Variants in PROX2 observed in about 807,000 individuals in gnomAD.
PROX2 encodes prospero homeobox protein 2.
In PROX2, 46 loss-of-function variants were observed where a neutral mutation model predicts 48.9. The observed-to-expected ratio is 0.94, with a 90% CI of 0.74 to 1.20. The LOEUF (loss-of-function observed/expected upper bound fraction) is 1.20, where lower values mean the gene tolerates loss of function less well. Among genes scored for constraint, PROX2 ranks in the 50% most tolerant of loss-of-function variants. PROX2 has a pLI of 0.00. For synonymous variants in PROX2, 260 were observed against 276.6 expected (o/e 0.94, Z 0.60); for missense variants, 663 against 719.4 (o/e 0.92, Z 0.90).
chr14:74,875,105 A>C (rs1305671524), intron 1 of PROX2, among the ~76,000 whole-genome samples: 1 of 152,208 alleles, frequency 6.6e-6, no homozygotes, highest in Non-Finnish European at 1.5e-5. Context: ...GAGACGTGCC[A>C]TTGCACTCCA....
chr14:74,858,259 C>T lies in PROX2; in HGVS notation c.1413+148G>A, dbSNP rs528474201. The T allele has an allele frequency of 1.6e-5, 9 of 547,524 alleles. No homozygotes were observed. The African/African-American group carries it at 1.7e-4, about 10-fold the overall frequency. 33.9% of individuals were successfully genotyped at this position (547,524 alleles called of 1,614,324 possible). On this transcript the variant is annotated intron_variant, in intron 4 of 5. Coordinates refer to ENST00000556489, the MANE Select transcript of PROX2 (RefSeq NM_001243007.2). ...ATTCACGGTTATTTGGGTAGAGTCT[C>T]AGCCCAGAACTGGACATTGCTTCCA...
Position 74,855,168 on chromosome 14 carries a change from G to A in PROX2, c.1743C>T (p.Ile581=). 1 of 1,587,700 alleles carries A rather than the reference G, an allele frequency of 6.3e-7. No individual in the cohort carries two copies. Among genetic ancestry groups the A allele is most frequent in the South Asian group, 1.2e-5 (1 of 86,398 alleles). ...AGCTGGAAGATTTGAATATCTCTGG[G>A]ATGTCACTGTCCAGTTTCGAAATAA... is the stretch of plus-strand genomic sequence containing the variant. ...YKIISKLDSD[I]PEIFKSSSYP... Residue 581 remains isoleucine, a synonymous_variant, in exon 6 of 6, where the codon ATC becomes ATT. Coordinates refer to ENST00000556489, the MANE Select transcript of PROX2 (RefSeq NM_001243007.2).
intron 4 of PROX2, chr14:74,857,272 G>A (rs1193711680): frequency 6.3e-6 from 2 of 316,998 alleles, no homozygotes; most frequent in Non-Finnish European, 1.2e-5. Context: ...GCTTTTTGTG[G>A]TGTTTGAGTG....
At chr14:74,856,496 A>G (rs908896669) in intron 5 of PROX2, 1 of 292,966 alleles carries the variant, frequency 3.4e-6, no homozygotes, top group Non-Finnish European at 6.4e-6. Context: ...GCACTAAGGC[A>G]AAAAGGTCAG....
chr14:74,858,341 C>A, intron 4 of PROX2, 66 bp downstream of exon 4: 1 of 990,692 alleles, frequency 1.0e-6, no homozygotes, highest in Non-Finnish European at 1.6e-6. Flanking sequence ...ACTTGCCTCA[C>A]ACCAGGCAAA....
At position 74,854,348 on chromosome 14, in the gene PROX2, T is replaced by G. The variant is rs773641606; in HGVS notation, c.*784A>C. 45 of 387,934 alleles carry G rather than the reference T, an allele frequency of 1.2e-4. No homozygotes were observed. The highest frequency in any genetic ancestry group is 2.2e-4 in the Non-Finnish European group (42 of 191,226). The allele number at this position is 387,934 out of a possible 1,614,324, so 24.0% of individuals were successfully genotyped here. A position where few individuals can be genotyped will look rare whatever the true frequency, so the allele number is the denominator to read the frequency against. ...GCAGAAATCTTGGGCGGTGAAGTGC[T>G]CCTAAGTGCTGGGCAGGAGTTGTCA... On this transcript the variant is annotated 3_prime_UTR_variant, in exon 6 of 6. Coordinates refer to ENST00000556489, the MANE Select transcript of PROX2 (RefSeq NM_001243007.2).
chr14:74,863,690 T>G lies in PROX2; in HGVS notation c.145A>C (p.Ser49Arg), dbSNP rs772746725. 6.5e-7 allele frequency: 1 copy of G among 1,543,044 alleles called. No individual in the cohort carries two copies. Among genetic ancestry groups the G allele is most frequent in the Non-Finnish European group, 8.7e-7 (1 of 1,146,646 alleles). The change falls in exon 3 of 6, where the codon AGC (serine) becomes CGC (arginine). Residue 49 changes from serine (S) to arginine (R), a missense_variant. Physicochemically the swap from Ser to Arg is moderately radical, Grantham distance 110. Coordinates refer to ENST00000556489, the MANE Select transcript of PROX2 (RefSeq NM_001243007.2). ...PFPWSQVPSS[S>R]PTDPEWFGDE... is the part of the protein sequence containing the mutation. ...CCAAACCATTCGGGGTCTGTAGGGC[T>G]GGAGCTGGGGACCTGACTCCAGGGA...
chr14:74,862,553 C>A lies in PROX2; in HGVS notation c.1282G>T (p.Ala428Ser), dbSNP rs553401078. ...EQRGLHAVME[A>S]LPFSLVHIQE... ...ATGTGGACCAAAGAGAAAGGCAGTG[C>A]CTCCATGACAGCATGCAGGCCTCTC... Residue 428 changes from alanine (A) to serine (S), a missense_variant, in exon 3 of 6, where the codon GCA (alanine) becomes TCA (serine). Transcript: ENST00000556489. 153 of 1,613,292 alleles carry A rather than the reference C, an allele frequency of 9.5e-5. No homozygotes were observed. The East Asian group carries it at 2.9e-3, about 31-fold the overall frequency.
rs992562736 is a variant in PROX2 at position 74,876,077 on chromosome 14, G to A, written c.-492C>T. Among the ~76,000 whole-genome samples the A allele has an allele frequency of 6.6e-6, 1 of 152,230 alleles. No individual in the cohort carries two copies. The highest frequency in any genetic ancestry group is 1.5e-5 in the Non-Finnish European group (1 of 68,038). ...CCGGGTGCCCGTGGCTGGGTGAGGG[G>A]AGGCTCTGGCCCCTTCTTAGCACAA... On this transcript the variant is annotated 5_prime_UTR_variant, in exon 1 of 6. Transcript: ENST00000556489.
rs2140165085 is a variant in PROX2 at position 74,859,793 on chromosome 14, C to T, written c.1306-1279G>A. Among the ~76,000 whole-genome samples the T allele has an allele frequency of 2.0e-5, 3 of 152,348 alleles. No individual in the cohort carries two copies. In the South Asian group the frequency reaches 6.2e-4, roughly 32 times the overall value. ...TATAGGTGGCCCAGGCACCTAGTTG[C>T]TGCACAGGAGATCCCTCCCTGCTGC... On this transcript the variant is annotated intron_variant, in intron 3 of 5. Coordinates refer to ENST00000556489, the MANE Select transcript of PROX2 (RefSeq NM_001243007.2).
intron 5 of PROX2, 149 bp downstream of exon 5, chr14:74,856,652 G>T: frequency 1.6e-6 from 1 of 639,560 alleles, no homozygotes; most frequent in Non-Finnish European, 2.7e-6. Context: ...TGTTGAGGCT[G>T]TAATCTTTGT....
intron 4 of PROX2, 186 bp from the exon 5 acceptor site, chr14:74,857,181 T>C (rs1371477785): frequency 3.8e-6 from 2 of 529,674 alleles, no homozygotes; most frequent in Admixed American, 6.4e-5. Flanking sequence ...CTCAGAAAAA[T>C]CTAAATTAGC....
chr14:74,874,552 A>G (rs1356627729), intron 1 of PROX2, among the ~76,000 whole-genome samples: 1 of 152,086 alleles, frequency 6.6e-6, no homozygotes, highest in Non-Finnish European at 1.5e-5. Context: ...CGCCCGGCCT[A>G]TACAAATTTC....
rs1283400710 is a variant in PROX2 at position 74,863,722 on chromosome 14, G to A, written c.113C>T (p.Ser38Phe). 6.5e-7 allele frequency: 1 copy of A among 1,533,318 alleles called. No individual in the cohort carries two copies. Among genetic ancestry groups the A allele is most frequent in the South Asian group, 1.3e-5 (1 of 76,330 alleles). 95.0% of individuals were successfully genotyped at this position (1,533,318 alleles called of 1,614,324 possible). A position where few individuals can be genotyped will look rare whatever the true frequency, so the allele number is the denominator to read the frequency against. ...SSSPPELDRD[S>F]PFPWSQVPSS... ...GGGGACCTGACTCCAGGGAAACGGGGAGTCTCTATCCAGCTCTGGAGGGGA... is the reference window on the plus strand; with the variant it reads ...GGGGACCTGACTCCAGGGAAACGGGAAGTCTCTATCCAGCTCTGGAGGGGA... Residue 38 changes from serine (S) to phenylalanine (F), a missense_variant, in exon 3 of 6, where the codon TCC becomes TTC. Physicochemically the swap from Ser to Phe is radical, Grantham distance 155. Transcript: ENST00000556489.
chr14:74,857,119 C>G (rs147435160), intron 4 of PROX2, 124 bp from the exon 5 acceptor site: 3 of 720,070 alleles, frequency 4.2e-6, no homozygotes, highest in African/African-American at 3.5e-5. Context: ...CAGGGGCTTC[C>G]TTTAAAAAAA....
intron 2 of PROX2, among the ~76,000 whole-genome samples, chr14:74,864,865 C>T (rs2091831133): frequency 1.5e-5 from 2 of 132,132 alleles, no homozygotes; most frequent in Admixed American, 7.8e-5. Context: ...AAATTCAGGC[C>T]GGGCAAGGTA....
intron 1 of PROX2, among the ~76,000 whole-genome samples, chr14:74,874,492 C>T (rs2140176231): frequency 6.6e-6 from 1 of 151,766 alleles, no homozygotes; most frequent in Admixed American, 6.6e-5. Flanking sequence ...ACCTCGTAAT[C>T]CACCCACCTC....
chr14:74,862,303 G>A (rs1337746957), intron 3 of PROX2, among the ~76,000 whole-genome samples: 2 of 152,244 alleles, frequency 1.3e-5, no homozygotes, highest in Non-Finnish European at 2.9e-5. Context: ...CCGGGCTCAA[G>A]CAATCCTCCT....
chr14:74,854,953 A>G lies in PROX2; in HGVS notation c.*179T>C. 2.3e-6 allele frequency: 1 copy of G among 426,380 alleles called. No individual in the cohort carries two copies. The allele number at this position is 426,380 out of a possible 1,614,324, so 26.4% of individuals were successfully genotyped here. On this transcript the variant is annotated 3_prime_UTR_variant, in exon 6 of 6. Transcript: ENST00000556489. ...AATATAGTTAGTACATTTTATAGTTAAATTTCTGATGATTCTGGAAAGGGA... is the reference window on the plus strand; with the variant it reads ...AATATAGTTAGTACATTTTATAGTTGAATTTCTGATGATTCTGGAAAGGGA...
Sources: gnomAD v4.1 joint callset for allele counts (sites outside exome capture counted in the v4.1 genomes callset) on GRCh38, gnomAD v4.1.1 for gene constraint, MANE v1.5 for transcripts, NCBI Gene and HGNC (gene_info 2026-07-23, HGNC 2026-07-21) for gene names.